The following ST8SIA6 variants were observed in gnomAD, a reference collection of about 807,000 sequenced individuals.
ST8SIA6 encodes the protein ST8 alpha-N-acetyl-neuraminide alpha-2,8-sialyltransferase 6.
A neutral mutation model predicts 33.6 loss-of-function variants in ST8SIA6; 39 were observed. The ratio of observed to expected loss-of-function variants is 1.16; its 90% CI spans 0.90 to 1.52. The LOEUF (loss-of-function observed/expected upper bound fraction) is 1.52, where lower values mean the gene tolerates loss of function less well. ST8SIA6 is among the 40% of genes most tolerant of loss of function. ST8SIA6 has a pLI of 0.00. For synonymous variants in ST8SIA6, 172 were observed against 167.2 expected (o/e 1.03, Z -0.22); for missense variants, 441 against 443.8 (o/e 0.99, Z 0.06).
intron 3 of ST8SIA6, among the ~76,000 whole-genome samples, chr10:17,361,582 C>T (rs939780179): frequency 2.7e-5 from 4 of 150,278 alleles, no homozygotes; most frequent in Non-Finnish European, 4.4e-5. Flanking sequence ...AGAATTTTAT[C>T]AAACATTTAA....
chr10:17,335,990 G>A (rs1267602225), intron 4 of ST8SIA6, among the ~76,000 whole-genome samples: 2 of 150,812 alleles, frequency 1.3e-5, no homozygotes, highest in East Asian at 1.9e-4. Context: ...GAGTCTCACT[G>A]TGTTGCCCTG....
At chr10:17,347,165 T>A (rs1483469515) in intron 4 of ST8SIA6, among the ~76,000 whole-genome samples, 1 of 152,206 alleles carries the variant, frequency 6.6e-6, no homozygotes, top group African/African-American at 2.4e-5. Context: ...AACACTTAGA[T>A]TAGCATTTGA....
At chr10:17,398,045 G>A (rs1358844543) in intron 2 of ST8SIA6, among the ~76,000 whole-genome samples, 1 of 152,266 alleles carries the variant, frequency 6.6e-6, no homozygotes, top group African/African-American at 2.4e-5. Flanking sequence ...TAAGACTCTG[G>A]GCTGGGCACA....
intron 4 of ST8SIA6, among the ~76,000 whole-genome samples, chr10:17,348,703 C>T (rs1294144600): frequency 6.6e-6 from 1 of 152,110 alleles, no homozygotes; most frequent in African/African-American, 2.4e-5. Context: ...CATCATCTTC[C>T]GCTTTTTGGC....
At chr10:17,389,350 C>T (rs978581579) in intron 3 of ST8SIA6, among the ~76,000 whole-genome samples, 2 of 152,160 alleles carry the variant, frequency 1.3e-5, no homozygotes, top group South Asian at 2.1e-4. Context: ...AACCACTGGG[C>T]GTTTACATTA....
At chr10:17,423,929 T>A (rs1851856714) in intron 2 of ST8SIA6, among the ~76,000 whole-genome samples, 1 of 152,188 alleles carries the variant, frequency 6.6e-6, no homozygotes, top group Admixed American at 6.5e-5. Flanking sequence ...TGACAGTTAT[T>A]GCAAAATTAT....
chr10:17,451,497 A>C (rs1378112940), intron 2 of ST8SIA6, among the ~76,000 whole-genome samples: 1 of 152,234 alleles, frequency 6.6e-6, no homozygotes, highest in African/African-American at 2.4e-5. Context: ...TGACGGTTGC[A>C]CTAAAATGCC....
At chr10:17,359,993 C>T (rs544424887) in intron 3 of ST8SIA6, among the ~76,000 whole-genome samples, 1 of 152,104 alleles carries the variant, frequency 6.6e-6, no homozygotes, top group African/African-American at 2.4e-5. Context: ...ACATATTTAC[C>T]TTGGAATGTA....
intron 2 of ST8SIA6, among the ~76,000 whole-genome samples, chr10:17,427,336 T>A (rs954832758): frequency 6.6e-6 from 1 of 152,214 alleles, no homozygotes; most frequent in African/African-American, 2.4e-5. Flanking sequence ...TCTGTATTTC[T>A]AAGGAGTTCC....
chr10:17,437,190 G>A (rs936630514), intron 2 of ST8SIA6, among the ~76,000 whole-genome samples: 1 of 151,804 alleles, frequency 6.6e-6, no homozygotes, highest in Non-Finnish European at 1.5e-5. Context: ...ACAGGGTCTT[G>A]CTCTGTTGCC....
intron 2 of ST8SIA6, among the ~76,000 whole-genome samples, chr10:17,437,242 C>T (rs1852298231): frequency 1.3e-5 from 2 of 152,174 alleles, no homozygotes; most frequent in African/African-American, 4.8e-5. Context: ...TCAATGCAGC[C>T]TTGAACTCCT....
intron 5 of ST8SIA6, among the ~76,000 whole-genome samples, chr10:17,329,238 C>T (rs903643536): frequency 6.6e-6 from 1 of 152,182 alleles, no homozygotes; most frequent in Non-Finnish European, 1.5e-5. Context: ...ATTTAACCTA[C>T]ACAGCAACCT....
chr10:17,317,643 T>A lies in ST8SIA6; in HGVS notation c.*3235A>T, dbSNP rs1397893788. Reference sequence around the variant, plus strand: ...TGTTTTCCACAAAATTTTCCACTTTTCCCAAAGCTTCCTAATTCATGGAGT... The same window carrying A: ...TGTTTTCCACAAAATTTTCCACTTTACCCAAAGCTTCCTAATTCATGGAGT... On this transcript the variant is annotated 3_prime_UTR_variant, in exon 8 of 8. Coordinates refer to ENST00000377602, the MANE Select transcript of ST8SIA6 (RefSeq NM_001004470.3). Among the ~76,000 whole-genome samples, 4 of 152,328 alleles carry A rather than the reference T, an allele frequency of 2.6e-5. 1 individual carries two copies. In the East Asian group the frequency reaches 7.7e-4, roughly 29 times the overall value.
At chr10:17,387,540 T>A (rs1371927924) in intron 3 of ST8SIA6, among the ~76,000 whole-genome samples, 1 of 151,920 alleles carries the variant, frequency 6.6e-6, no homozygotes, top group East Asian at 1.9e-4. Context: ...GTGCTAGGAT[T>A]ACAGGTGTGA....
At chr10:17,365,424 A>G (rs1481661094) in intron 3 of ST8SIA6, among the ~76,000 whole-genome samples, 3 of 152,226 alleles carry the variant, frequency 2.0e-5, no homozygotes, top group East Asian at 1.9e-4. Context: ...CCAGCCACCC[A>G]TGGTGAACCA....
At chr10:17,437,477 C>G (rs1361241490) in intron 2 of ST8SIA6, among the ~76,000 whole-genome samples, 3 of 151,960 alleles carry the variant, frequency 2.0e-5, no homozygotes, top group Non-Finnish European at 4.4e-5. Flanking sequence ...TGGACAATCT[C>G]TATATTTTAT....
chr10:17,343,086 G>A (rs923638363), intron 4 of ST8SIA6, among the ~76,000 whole-genome samples: 19 of 152,104 alleles, frequency 1.2e-4, no homozygotes, highest in East Asian at 5.8e-4. Flanking sequence ...AGGGCATCCC[G>A]GGTGCCTTGC....
Position 17,358,859 on chromosome 10 carries a change from AC to A in ST8SIA6, c.377+654del, listed in dbSNP as rs138836530. ...AGAGCAATCTAGACCAAGCACAGAGACAACTGACCTTGATCTATGATATGTG... is the reference window on the plus strand; with the variant it reads ...AGAGCAATCTAGACCAAGCACAGAGAAACTGACCTTGATCTATGATATGTG... On this transcript the variant is annotated intron_variant, in intron 4 of 7. Transcript: ENST00000377602. 1.6e-4 allele frequency among the ~76,000 whole-genome samples: 24 copies of A among 152,320 alleles called. No homozygotes were observed. The East Asian group carries it at 4.6e-3, about 29-fold the overall frequency.
chr10:17,420,275 G>T (rs1478809858), intron 2 of ST8SIA6, among the ~76,000 whole-genome samples: 2 of 152,150 alleles, frequency 1.3e-5, no homozygotes, highest in Admixed American at 6.5e-5. Context: ...AGCTGGGTGT[G>T]GTGGCGGGCG....
Sources: gnomAD v4.1 joint callset for allele counts (sites outside exome capture counted in the v4.1 genomes callset) on GRCh38, gnomAD v4.1.1 for gene constraint, MANE v1.5 for transcripts, NCBI Gene and HGNC (gene_info 2026-07-23, HGNC 2026-07-21) for gene names.